Variants in MYOF observed in about 807,000 individuals in gnomAD.
MYOF encodes myoferlin, also known as fer-1-like 3, myoferlin.
A neutral mutation model predicts 284.2 loss-of-function variants in MYOF; 244 were observed. The observed-to-expected ratio is 0.86, with a 90% CI of 0.77 to 0.95. The LOEUF is 0.95. MYOF is among the 40% of genes least tolerant of loss of function. The probability of loss-of-function intolerance (pLI) is 0.00; values close to 1 mark genes in which losing one functional copy is unlikely to be tolerated. For missense variants in MYOF, 2,496 were observed against 2,560.6 expected (o/e 0.97, Z 0.54); for synonymous variants, 904 against 919.7 (o/e 0.98, Z 0.31).
rs1323901406 is a variant in MYOF, at chr10:93,356,806, A to C, written c.3163T>G (p.Ser1055Ala). Reference protein sequence around the residue: ...LQDQEGWEYASLIGWKFHWKQ... With the variant: ...LQDQEGWEYAALIGWKFHWKQ... ...CAGTGAAATTTCCAGCCAATTAGAG[A>C]AGCATATTCCCAGCCCTCTTGGTCT... Residue 1055 changes from serine (S) to alanine (A), a missense_variant, in exon 30 of 54, where the codon TCT (serine) becomes GCT (alanine). Ser to Ala is a moderately conservative substitution (Grantham distance 99). This residue lies in a region of MYOF where 2,436 missense variants were observed against 2,480.7 expected (regional missense o/e 0.98). Coordinates refer to ENST00000359263, the MANE Select transcript of MYOF (RefSeq NM_013451.4). 5.0e-6 allele frequency: 8 copies of C among 1,613,968 alleles called. No individual in the cohort carries two copies. The highest frequency in any genetic ancestry group is 5.9e-6 in the Non-Finnish European group (7 of 1,180,026).
At chr10:93,464,607 A>T (rs1368005676) in intron 1 of MYOF, among the ~76,000 whole-genome samples, 1 of 152,176 alleles carries the variant, frequency 6.6e-6, no homozygotes, top group Non-Finnish European at 1.5e-5. Context: ...TATAAGGCTG[A>T]ACCCCCAAGC....
rs776980140 is a variant in MYOF, at chr10:93,440,280, C to T, written c.237-8764G>A. On this transcript the variant is annotated intron_variant, in intron 3 of 53. Transcript: ENST00000359263. ...TAAAAAAATTAGTCGGGCGTGGTGG[C>T]GGGCGCCTGTAGTCCTAGCTACTCG... is the stretch of plus-strand genomic sequence containing the variant. Among the ~76,000 whole-genome samples the T allele has an allele frequency of 1.1e-4, 17 of 152,148 alleles. No individual in the cohort carries two copies. In the South Asian group the frequency reaches 1.5e-3, roughly 13 times the overall value.
rs1158348659 is a variant in MYOF at position 93,351,416 on chromosome 10, G to A, written c.3819C>T (p.Gly1273=). The A allele has an allele frequency of 5.6e-6, 9 of 1,614,050 alleles. No individual in the cohort carries two copies. The highest frequency in any genetic ancestry group is 2.2e-5 in the South Asian group (2 of 91,030). The change falls in exon 34 of 54, where the codon GGC becomes GGT. Residue 1273 remains glycine, a synonymous_variant. Transcript: ENST00000359263. ...GAGGAAGAACACAGCAATGTACCTT[G>A]CCCCTCAGAATCAGCTCTGCAGTTA... ...VLVTAELILR[G]KDGSNLPILP...
chr10:93,323,879 G>GTAA (rs1197080699), intron 46 of MYOF, among the ~76,000 whole-genome samples: 12 of 152,136 alleles, frequency 7.9e-5, no homozygotes, highest in Admixed American at 7.2e-4. Context: ...TAAAATCAAA[G>GTAA]TAATGAATGC....
intron 9 of MYOF, 68 bp downstream of exon 9, chr10:93,403,955 A>G: frequency 6.5e-7 from 1 of 1,533,368 alleles, no homozygotes; most frequent in African/African-American, 1.4e-5. Context: ...CGTACATAGG[A>G]ATCAGATTTC....
chr10:93,394,838 A>G (rs921762102), intron 16 of MYOF, among the ~76,000 whole-genome samples: 1 of 149,006 alleles, frequency 6.7e-6, no homozygotes, highest in African/African-American at 2.5e-5. Context: ...TATCTCTAAT[A>G]CCTTCTTTAC....
In MYOF at chr10:93,348,044, G is replaced by A. The variant is rs865923931; in HGVS notation, c.4084-262C>T. Among the ~76,000 whole-genome samples, 83 of 152,218 alleles carry A rather than the reference G, an allele frequency of 5.5e-4. 1 individual carries two copies. The highest frequency in any genetic ancestry group is 1.9e-3 in the African/African-American group (77 of 41,444). On this transcript the variant is annotated intron_variant, in intron 36 of 53. Transcript: ENST00000359263. Reference sequence around the variant, plus strand: ...TGCCCCCATTATTTCATGAGTAATAGTAACATTGTTGAATTACTCTATGTG... The same window carrying A: ...TGCCCCCATTATTTCATGAGTAATAATAACATTGTTGAATTACTCTATGTG...
chr10:93,335,563 G>A (rs1479283335), intron 41 of MYOF, among the ~76,000 whole-genome samples: 1 of 152,138 alleles, frequency 6.6e-6, no homozygotes, highest in Non-Finnish European at 1.5e-5. Flanking sequence ...TGGAGAGACT[G>A]TATCTTAGGA....
chr10:93,472,260 A>T (rs775752183), intron 1 of MYOF, among the ~76,000 whole-genome samples: 1 of 152,206 alleles, frequency 6.6e-6, no homozygotes, highest in Admixed American at 6.5e-5. Context: ...AATAAAGAAG[A>T]AAAAAAGAAG....
At chr10:93,363,927 AG>A (rs1257429379) in intron 27 of MYOF, 33 bp downstream of exon 27, 1 of 1,589,578 alleles carries the variant, frequency 6.3e-7, no homozygotes, top group Non-Finnish European at 8.6e-7. Context: ...CAGAGGTGAC[AG>A]GTGAGAGTTT....
intron 21 of MYOF, among the ~76,000 whole-genome samples, chr10:93,378,807 G>T (rs953724259): frequency 1.3e-5 from 2 of 150,436 alleles, no homozygotes; most frequent in African/African-American, 4.9e-5. Flanking sequence ...CCGTCTCCCG[G>T]GTTCAAGTGA....
intron 22 of MYOF, 26 bp from the exon 23 acceptor site, chr10:93,374,981 C>G: frequency 6.3e-7 from 1 of 1,597,348 alleles, no homozygotes; most frequent in Non-Finnish European, 8.5e-7. Flanking sequence ...AAAAAAGAAA[C>G]AGAGGATTTG....
At chr10:93,321,486 G>T (rs1373356068) in intron 48 of MYOF, among the ~76,000 whole-genome samples, 1 of 150,568 alleles carries the variant, frequency 6.6e-6, no homozygotes, top group African/African-American at 2.5e-5. Flanking sequence ...CAAACTACGG[G>T]GCTCAAGTGA....
At chr10:93,380,901 A>C (rs1410273348) in intron 20 of MYOF, among the ~76,000 whole-genome samples, 1 of 152,214 alleles carries the variant, frequency 6.6e-6, no homozygotes. Flanking sequence ...TCGTAGGGGT[A>C]GGAGCTGCTT....
At position 93,348,648 on chromosome 10, in the gene MYOF, C is replaced by T. The variant is rs564007804; in HGVS notation, c.4084-866G>A. Among the ~76,000 whole-genome samples the T allele has an allele frequency of 2.0e-5, 3 of 151,754 alleles. No individual in the cohort carries two copies. In the South Asian group the frequency reaches 6.3e-4, roughly 32 times the overall value. The stretch of plus-strand genomic sequence containing the variant: ...TTTGGGACCCTGGCTGGCAGCATCC[C>T]GGTGGCTCGCCGTCTGTCGCATGAT... On this transcript the variant is annotated intron_variant, in intron 36 of 53. Transcript: ENST00000359263.
Position 93,447,697 on chromosome 10 carries a change from T to C in MYOF, c.236+4353A>G, listed in dbSNP as rs1191016824. On this transcript the variant is annotated intron_variant, in intron 3 of 53. Transcript: ENST00000359263. ...AAGGACTCCTGAATTAGTCTCAAAGTGTGACGTTTCTCTATAACTCACTTG... is the reference window on the plus strand; with the variant it reads ...AAGGACTCCTGAATTAGTCTCAAAGCGTGACGTTTCTCTATAACTCACTTG... Among the ~76,000 whole-genome samples the C allele has an allele frequency of 2.6e-5, 4 of 152,146 alleles. 1 individual carries two copies. Among genetic ancestry groups the C allele is most frequent in the African/African-American group, 9.7e-5 (4 of 41,422 alleles).
chr10:93,440,412 A>G (rs2056212706), intron 3 of MYOF, among the ~76,000 whole-genome samples: 1 of 9,278 alleles, frequency 1.1e-4, no homozygotes, highest in African/African-American at 1.2e-4. Context: ...CTCCGTCTCG[A>G]AAAAAAAAAC....
At chr10:93,386,762 A>AGT (rs1220082025) in intron 19 of MYOF, among the ~76,000 whole-genome samples, 2 of 152,210 alleles carry the variant, frequency 1.3e-5, no homozygotes, top group African/African-American at 4.8e-5. Flanking sequence ...AAGAAGGGAT[A>AGT]GTTTCTGTTA....
At chr10:93,463,103 A>G (rs2056922208) in intron 1 of MYOF, among the ~76,000 whole-genome samples, 1 of 152,164 alleles carries the variant, frequency 6.6e-6, no homozygotes, top group Non-Finnish European at 1.5e-5. Flanking sequence ...CCTCTCACTC[A>G]GTTCTGCGGA....
Sources: allele counts gnomAD v4.1 joint callset (sites outside exome capture counted in the v4.1 genomes callset), GRCh38; gene constraint gnomAD v4.1.1; regional missense constraint gnomAD v4.1.1; transcripts MANE v1.5; gene names NCBI Gene and HGNC (gene_info 2026-07-23, HGNC 2026-07-21).